The following MEGF11 variants were observed in gnomAD, a reference collection of about 807,000 sequenced individuals.
The protein encoded by MEGF11 is multiple epidermal growth factor-like domains protein 11.
A neutral mutation model predicts 146.6 loss-of-function variants in MEGF11; 126 were observed. The observed-to-expected ratio is 0.86, with a 90% CI of 0.74 to 1.00. The LOEUF (loss-of-function observed/expected upper bound fraction) is 1.00, where lower values mean the gene tolerates loss of function less well. MEGF11 is among the 50% of genes least tolerant of loss of function. The pLI is 0.00. For missense variants in MEGF11, 1,509 were observed against 1,521.2 expected, an observed-to-expected ratio of 0.99 and a Z score of 0.13; for synonymous variants, 532 against 583.4, an observed-to-expected ratio of 0.91 and a Z score of 1.27.
chr15:65,975,877 G>A (rs2081428041), intron 7 of MEGF11, among the ~76,000 whole-genome samples: 1 of 152,176 alleles, frequency 6.6e-6, no homozygotes, highest in Non-Finnish European at 1.5e-5. Context: ...ACTGAGAAGA[G>A]TAGAAGAGAA....
chr15:65,989,310 T>C lies in MEGF11; in HGVS notation c.395-6822A>G, dbSNP rs528597590. On this transcript the variant is annotated intron_variant, in intron 5 of 25. Transcript: ENST00000395614. ...GAAGGTCAAGGGATGGAAATGAACCTGGAAGCCACTGCCCCTGAGCTACCC... is the reference window on the plus strand; with the variant it reads ...GAAGGTCAAGGGATGGAAATGAACCCGGAAGCCACTGCCCCTGAGCTACCC... Among the ~76,000 whole-genome samples, 3 of 152,272 alleles carry C rather than the reference T, an allele frequency of 2.0e-5. No homozygotes were observed. The South Asian group carries it at 6.2e-4, about 32-fold the overall frequency.
At chr15:66,227,465 T>G (rs1477404603) in intron 1 of MEGF11, among the ~76,000 whole-genome samples, 1 of 152,102 alleles carries the variant, frequency 6.6e-6, no homozygotes, top group Non-Finnish European at 1.5e-5. Context: ...AAAACAGAAG[T>G]CCAGCACTTT....
At chr15:65,973,537 T>G (rs1012566792) in intron 7 of MEGF11, among the ~76,000 whole-genome samples, 1 of 152,192 alleles carries the variant, frequency 6.6e-6, no homozygotes, top group African/African-American at 2.4e-5. Flanking sequence ...GGAGGATCAC[T>G]TGAGCCCAGG....
intron 10 of MEGF11, among the ~76,000 whole-genome samples, chr15:65,937,946 T>C (rs2079846867): frequency 6.6e-6 from 1 of 152,260 alleles, no homozygotes; most frequent in African/African-American, 2.4e-5. Flanking sequence ...AACCACTGGC[T>C]ATGTGATCTC....
rs1278867077 is a variant in MEGF11, at chr15:65,926,938, C to T, written c.1675+1487G>A. Among the ~76,000 whole-genome samples, 3 of 152,288 alleles carry T rather than the reference C, an allele frequency of 2.0e-5. No homozygotes were observed. The East Asian group carries it at 5.8e-4, about 29-fold the overall frequency. ...CAGGAGCCAGCAGGGCAGGGGAAGC[C>T]AGGCTGGAGATACTGCAGAGGAAGC... is the stretch of plus-strand genomic sequence containing the variant. On this transcript the variant is annotated intron_variant, in intron 13 of 25. Transcript: ENST00000395614.
At position 66,119,145 on chromosome 15, in the gene MEGF11, A is replaced by T; in HGVS notation, c.242T>A (p.Met81Lys). 6.4e-7 allele frequency: 1 copy of T among 1,551,626 alleles called. No individual in the cohort carries two copies. Reference sequence around the variant, plus strand: ...GCAGCACTGGGACCTCCGCCGGTACATGGTCCGGAGGCCTCTCCGATACGC... The same window carrying T: ...GCAGCACTGGGACCTCCGCCGGTACTTGGTCCGGAGGCCTCTCCGATACGC... ...KTAYRRGLRT[M>K]YRRRSQCCPG... The change falls in exon 4 of 26, where the codon ATG (methionine) becomes AAG (lysine). Residue 81 changes from methionine to lysine, a missense_variant. Met to Lys is a moderately conservative substitution (Grantham distance 95). Transcript: ENST00000395614.
intron 1 of MEGF11, among the ~76,000 whole-genome samples, chr15:66,157,814 G>A (rs1382726183): frequency 6.6e-6 from 1 of 152,218 alleles, no homozygotes. Context: ...AAATCTACAG[G>A]AGCACAGCTC....
intron 7 of MEGF11, among the ~76,000 whole-genome samples, chr15:65,974,898 T>C (rs2141637413): frequency 6.6e-6 from 1 of 151,754 alleles, no homozygotes; most frequent in Non-Finnish European, 1.5e-5. Context: ...CGGGCTGGAG[T>C]GCAATGATGT....
chr15:66,224,329 C>T (rs538300181), intron 1 of MEGF11, among the ~76,000 whole-genome samples: 6 of 152,186 alleles, frequency 3.9e-5, no homozygotes, highest in Admixed American at 2.6e-4. Context: ...AATCCCAGCA[C>T]TTTGGGAGGC....
At chr15:66,130,017 A>T (rs1173393441) in intron 1 of MEGF11, among the ~76,000 whole-genome samples, 6 of 152,196 alleles carry the variant, frequency 3.9e-5, no homozygotes, top group Admixed American at 3.9e-4. Flanking sequence ...ACAGCTGCTC[A>T]GAGCTCCCCA....
At chr15:65,909,279 G>A in intron 22 of MEGF11, 144 bp from the exon 23 acceptor site, 1 of 662,728 alleles carries the variant, frequency 1.5e-6, no homozygotes, top group Non-Finnish European at 2.7e-6. Context: ...AGCATCCAGA[G>A]GGGCCAGGGC....
chr15:65,900,837 A>G (rs1189012089), intron 24 of MEGF11, among the ~76,000 whole-genome samples: 59 of 152,172 alleles, frequency 3.9e-4, no homozygotes, highest in Non-Finnish European at 1.0e-4. Flanking sequence ...CTCTAGAGAG[A>G]AGGAGAAAAC....
intron 5 of MEGF11, among the ~76,000 whole-genome samples, chr15:66,071,900 C>T (rs998666666): frequency 1.3e-5 from 2 of 152,142 alleles, no homozygotes; most frequent in African/African-American, 2.4e-5. Context: ...ACACACGTGC[C>T]CACCCAGCAT....
intron 5 of MEGF11, among the ~76,000 whole-genome samples, chr15:66,020,344 G>A (rs1353913393): frequency 1.3e-5 from 2 of 152,158 alleles, no homozygotes; most frequent in African/African-American, 4.8e-5. Flanking sequence ...GGGAAGAGAA[G>A]ACTTCAGAAC....
At chr15:66,038,545 G>A (rs934315686) in intron 5 of MEGF11, among the ~76,000 whole-genome samples, 1 of 152,036 alleles carries the variant, frequency 6.6e-6, no homozygotes, top group African/African-American at 2.4e-5. Flanking sequence ...TTAATTTAAC[G>A]AGGCTGTTCA....
intron 4 of MEGF11, among the ~76,000 whole-genome samples, chr15:66,096,772 T>G (rs2086571367): frequency 6.6e-6 from 1 of 152,148 alleles, no homozygotes; most frequent in South Asian, 2.1e-4. Context: ...CTCCCGATCC[T>G]AGAGACCCAG....
intron 5 of MEGF11, among the ~76,000 whole-genome samples, chr15:66,091,546 A>G (rs2086323448): frequency 6.6e-6 from 1 of 152,238 alleles, no homozygotes; most frequent in African/African-American, 2.4e-5. Context: ...TCCCAGACTT[A>G]CCATCAACTA....
intron 1 of MEGF11, among the ~76,000 whole-genome samples, chr15:66,167,084 C>A (rs540930172): frequency 7.9e-5 from 12 of 152,248 alleles, no homozygotes; most frequent in Admixed American, 7.8e-4. Flanking sequence ...GACTTACAGC[C>A]CTGCCTTTCA....
intron 1 of MEGF11, among the ~76,000 whole-genome samples, chr15:66,195,950 T>C (rs4238403): frequency 0.4 from 60,794 of 152,118 alleles, 12,621 homozygotes; most frequent in East Asian, 0.61. Context: ...AAGCGGTGTC[T>C]GTACAAGCTG....
Sources: gnomAD v4.1 joint callset for allele counts (sites outside exome capture counted in the v4.1 genomes callset) on GRCh38, gnomAD v4.1.1 for gene constraint, MANE v1.5 for transcripts, NCBI Gene and HGNC (gene_info 2026-07-23, HGNC 2026-07-21) for gene names.